The following GMDS variants were observed in gnomAD, a reference collection of about 807,000 sequenced individuals.
The protein encoded by GMDS is GDP-mannose 4,6-dehydratase.
Under a neutral mutation model 49.9 loss-of-function variants are expected in GMDS, and 20 were observed. That is an observed-to-expected ratio of 0.40 (90% CI 0.28 to 0.58). The LOEUF is 0.58. GMDS is among the 20% of genes least tolerant of loss of function. The probability of loss-of-function intolerance (pLI) is 0.42; values close to 1 mark genes in which losing one functional copy is unlikely to be tolerated. For synonymous variants in GMDS, 177 were observed against 178.6 expected, an observed-to-expected ratio of 0.99 and a Z score of 0.07; for missense variants, 362 against 481.4, an observed-to-expected ratio of 0.75 and a Z score of 2.32.
intron 4 of GMDS, among the ~76,000 whole-genome samples, chr6:2,093,262 T>C (rs1773420135): frequency 6.6e-6 from 1 of 152,104 alleles, no homozygotes; most frequent in Non-Finnish European, 1.5e-5. Context: ...AAACATTATT[T>C]CTCATATTTA....
chr6:1,692,825 T>C (rs1765220849), intron 9 of GMDS, among the ~76,000 whole-genome samples: 1 of 152,242 alleles, frequency 6.6e-6, no homozygotes, highest in Non-Finnish European at 1.5e-5. Context: ...ACATCTCTAC[T>C]GCTAATTCTA....
At chr6:2,060,337 C>T (rs1771070936) in intron 4 of GMDS, among the ~76,000 whole-genome samples, 1 of 152,160 alleles carries the variant, frequency 6.6e-6, no homozygotes, top group African/African-American at 2.4e-5. Flanking sequence ...TCCTTAAATA[C>T]ACAACAGGAA....
chr6:1,673,967 A>ATTTTTTTTTTTTTTTTTTTTTTTT (rs1554106276), intron 9 of GMDS, among the ~76,000 whole-genome samples: 2 of 150,108 alleles, frequency 1.3e-5, no homozygotes, highest in Non-Finnish European at 3.0e-5. Context: ...GTTTAGGTTG[A>ATTTTTTTTTTTTTTTTTTTTTTTT]TTATTAATAA....
chr6:2,151,450 A>AT (rs1335497124), intron 1 of GMDS, among the ~76,000 whole-genome samples: 1 of 152,162 alleles, frequency 6.6e-6, no homozygotes, highest in East Asian at 1.9e-4. Flanking sequence ...AATTTACAAT[A>AT]CATGAGCAAT....
chr6:2,076,761 C>G (rs1026949577), intron 4 of GMDS, among the ~76,000 whole-genome samples: 3 of 152,100 alleles, frequency 2.0e-5, no homozygotes, highest in Non-Finnish European at 4.4e-5. Context: ...AAAATTAATT[C>G]AAGATGGATT....
intron 4 of GMDS, among the ~76,000 whole-genome samples, chr6:1,993,267 C>T (rs889476174): frequency 6.6e-6 from 1 of 152,168 alleles, no homozygotes; most frequent in African/African-American, 2.4e-5. Context: ...TCATTGCTGC[C>T]TTAGTCATGT....
At chr6:1,629,484 G>A (rs1762934707) in intron 9 of GMDS, among the ~76,000 whole-genome samples, 1 of 152,212 alleles carries the variant, frequency 6.6e-6, no homozygotes, top group Non-Finnish European at 1.5e-5. Flanking sequence ...CAGCCTCAGG[G>A]AAATGGAGTC....
At chr6:2,096,669 C>G (rs530034034) in intron 4 of GMDS, among the ~76,000 whole-genome samples, 2 of 152,220 alleles carry the variant, frequency 1.3e-5, no homozygotes, top group African/African-American at 4.8e-5. Flanking sequence ...CTCAGTAATT[C>G]TAGGACTAAT....
rs188241309 is a variant in GMDS at position 2,113,484 on chromosome 6, C to T, written c.345+2287G>A. On this transcript the variant is annotated intron_variant, in intron 4 of 10. Coordinates refer to ENST00000380815, the MANE Select transcript of GMDS (RefSeq NM_001500.4). ...CACTTCTCCTCATACTGGTTCTGCTCAGCTCATCTCGAATGCTCATGATGC... is the reference window on the plus strand; with the variant it reads ...CACTTCTCCTCATACTGGTTCTGCTTAGCTCATCTCGAATGCTCATGATGC... 2.3e-3 allele frequency among the ~76,000 whole-genome samples: 343 copies of T among 151,938 alleles called. 2 individuals carry two copies. The highest frequency in any genetic ancestry group is 1.9e-3 in the Non-Finnish European group (127 of 67,976).
chr6:2,230,942 C>CG (rs1491176901), intron 1 of GMDS, among the ~76,000 whole-genome samples: 17 of 26,592 alleles, frequency 6.4e-4, no homozygotes, highest in African/African-American at 2.5e-3. Context: ...CCCCCTCCCA[C>CG]CCCCCCCCCC....
chr6:1,657,314 G>A (rs1763915012), intron 9 of GMDS, among the ~76,000 whole-genome samples: 1 of 152,206 alleles, frequency 6.6e-6, no homozygotes. Context: ...AAGGTGGACA[G>A]CACCCATCGA....
chr6:2,165,227 A>C (rs558576049), intron 1 of GMDS, among the ~76,000 whole-genome samples: 2 of 152,208 alleles, frequency 1.3e-5, no homozygotes, highest in African/African-American at 4.8e-5. Context: ...GGACCAATAA[A>C]GTGTGTGGAG....
chr6:1,924,625 C>T (rs181463610), intron 7 of GMDS, among the ~76,000 whole-genome samples: 5 of 152,284 alleles, frequency 3.3e-5, no homozygotes, highest in African/African-American at 9.6e-5. Flanking sequence ...CCATATACTG[C>T]CATTTGTAGC....
chr6:1,708,539 G>A (rs56047433), intron 9 of GMDS, among the ~76,000 whole-genome samples: 18,705 of 152,298 alleles, frequency 0.12, 1,477 homozygotes, highest in Middle Eastern at 0.22. Context: ...TGGATCGGGC[G>A]AGAGCCCCAC....
At chr6:1,713,184 G>A (rs970947253) in intron 9 of GMDS, among the ~76,000 whole-genome samples, 1 of 152,244 alleles carries the variant, frequency 6.6e-6, no homozygotes, top group African/African-American at 2.4e-5. Context: ...CAGGCCAGCG[G>A]GTGGGCGCTA....
At position 2,216,736 on chromosome 6, in the gene GMDS, G is replaced by C. The variant is rs368670000; in HGVS notation, c.102+28585C>G. ...AATTTTCTAAGGAGGAAGCACATCT[G>C]TAATATAATCACTAGGATTCTTCAT... On this transcript the variant is annotated intron_variant, in intron 1 of 10. Transcript: ENST00000380815. Among the ~76,000 whole-genome samples the C allele has an allele frequency of 9.2e-3, 939 of 101,950 alleles. 3 individuals carry two copies. Among genetic ancestry groups the C allele is most frequent in the Middle Eastern group, 0.029 (5 of 170 alleles). 66.9% of individuals were successfully genotyped at this position (101,950 alleles called of 152,430 possible). A position where few individuals can be genotyped will look rare whatever the true frequency, so the allele number is the denominator to read the frequency against.
At position 2,142,483 on chromosome 6, in the gene GMDS, T is replaced by C. The variant is rs539854546; in HGVS notation, c.103-17752A>G. Among the ~76,000 whole-genome samples, 4 of 152,046 alleles carry C rather than the reference T, an allele frequency of 2.6e-5. No homozygotes were observed. In the East Asian group the frequency reaches 7.7e-4, roughly 29 times the overall value. ...ACCCAGCAAGAATGTCACAGGATGA[T>C]GAAGTGGAATGGTGTTTCTACAAGC... On this transcript the variant is annotated intron_variant, in intron 1 of 10. Coordinates refer to ENST00000380815, the MANE Select transcript of GMDS (RefSeq NM_001500.4).
Position 1,994,470 on chromosome 6 carries a change from C to T in GMDS, c.346-33504G>A, listed in dbSNP as rs149806466. Reference sequence around the variant, plus strand: ...CATCAAGAAGGCAGGCCATAAATAACCCTTCAGCAAACATTTATGAACCAT... The same window carrying T: ...CATCAAGAAGGCAGGCCATAAATAATCCTTCAGCAAACATTTATGAACCAT... On this transcript the variant is annotated intron_variant, in intron 4 of 10. Transcript: ENST00000380815. Among the ~76,000 whole-genome samples the T allele has an allele frequency of 5.0e-3, 768 of 152,196 alleles. 5 individuals are homozygous for T. Among genetic ancestry groups the T allele is most frequent in the African/African-American group, 0.017 (705 of 41,528 alleles).
chr6:2,081,658 ACT>A (rs1006340295), intron 4 of GMDS, among the ~76,000 whole-genome samples: 4 of 151,996 alleles, frequency 2.6e-5, no homozygotes, highest in Admixed American at 1.3e-4. Context: ...CACAAGCCAC[ACT>A]CTATGCTACC....
Sources: allele counts gnomAD v4.1 joint callset (sites outside exome capture counted in the v4.1 genomes callset), GRCh38; gene constraint gnomAD v4.1.1; transcripts MANE v1.5; gene names NCBI Gene and HGNC (gene_info 2026-07-23, HGNC 2026-07-21).